COPS3: variants seen among roughly 807,000 people sequenced by gnomAD.
COPS3 encodes COP9 signalosome subunit 3.
COPS3 carries 10 observed loss-of-function variants against 58.2 expected under a neutral mutation model. That is an observed-to-expected ratio of 0.17 (90% confidence interval 0.11 to 0.29). The LOEUF (loss-of-function observed/expected upper bound fraction) is 0.29. Ranked by LOEUF, COPS3 falls within the 10% of genes least tolerant of loss-of-function variation. The pLI is 1.00. For synonymous variants in COPS3, 187 were observed against 181.7 expected, an observed-to-expected ratio of 1.03 and a Z score of -0.24; for missense variants, 333 against 510.1, an observed-to-expected ratio of 0.65 and a Z score of 3.34.
chr17:17,252,546 A>G (rs1200917692), intron 9 of COPS3, among the ~76,000 whole-genome samples: 2 of 152,138 alleles, frequency 1.3e-5, no homozygotes, highest in Admixed American at 6.5e-5. Flanking sequence ...TGAAAACCAA[A>G]ACTGCTTCCA....
intron 8 of COPS3, among the ~76,000 whole-genome samples, chr17:17,257,299 G>A (rs1269338955): frequency 6.6e-6 from 1 of 151,458 alleles, no homozygotes; most frequent in Admixed American, 6.6e-5. Context: ...AGGAGGCAGA[G>A]TCTGCAGTGA....
intron 11 of COPS3, 146 bp from the exon 12 acceptor site, chr17:17,247,297 C>A: frequency 1.0e-6 from 1 of 962,174 alleles, no homozygotes; most frequent in Non-Finnish European, 1.7e-6. Context: ...CCACCCTAAG[C>A]ATCCCTAAGT....
chr17:17,270,682 C>A, intron 4 of COPS3, 76 bp downstream of exon 4: 1 of 1,314,022 alleles, frequency 7.6e-7, no homozygotes, highest in Non-Finnish European at 1.1e-6. Context: ...TAACTGGAAT[C>A]TTGATAAAGT....
In COPS3 at chr17:17,246,948, C is replaced by T. The variant is rs2047737513; in HGVS notation, c.*150G>A. The T allele has an allele frequency of 4.5e-6, 3 of 670,348 alleles. No individual in the cohort carries two copies. Among genetic ancestry groups the T allele is most frequent in the Non-Finnish European group, 8.0e-6 (3 of 373,328 alleles). 41.5% of individuals were successfully genotyped at this position (670,348 alleles called of 1,614,324 possible). On this transcript the variant is annotated 3_prime_UTR_variant, in exon 12 of 12. Transcript: ENST00000268717. Reference sequence around the variant, plus strand: ...CTTTCTTTGCAGAGAAAATGGTTTTCTGAAAGCACACAGGACTGAAGATGT... The same window carrying T: ...CTTTCTTTGCAGAGAAAATGGTTTTTTGAAAGCACACAGGACTGAAGATGT...
intron 5 of COPS3, among the ~76,000 whole-genome samples, chr17:17,266,202 CATATT>C (rs1255787903): frequency 2.0e-5 from 3 of 152,118 alleles, no homozygotes; most frequent in Admixed American, 6.6e-5. Flanking sequence ...ATCGCATACT[CATATT>C]ATAGAATACT....
intron 8 of COPS3, 54 bp from the exon 9 acceptor site, chr17:17,254,999 T>C (rs1272049609): frequency 7.7e-7 from 1 of 1,300,224 alleles, no homozygotes; most frequent in Non-Finnish European, 1.1e-6. Flanking sequence ...GGAAGGACAT[T>C]TTATTAAATG....
chr17:17,268,243 A>C (rs545571654), intron 4 of COPS3, among the ~76,000 whole-genome samples: 1 of 152,314 alleles, frequency 6.6e-6, no homozygotes, highest in South Asian at 2.1e-4. Flanking sequence ...CAATAATCAA[A>C]AACAGTATTA....
intron 1 of COPS3, chr17:17,280,826 G>T: frequency 8.1e-7 from 1 of 1,239,532 alleles, no homozygotes; most frequent in Non-Finnish European, 1.1e-6. Flanking sequence ...GATGGCTCCT[G>T]GCGGAAGTCA....
Position 17,280,405 on chromosome 17 carries a change from A to T in COPS3, c.55+727T>A, listed in dbSNP as rs1597711816. Among the ~76,000 whole-genome samples the T allele has an allele frequency of 2.7e-5, 4 of 150,892 alleles. No homozygotes were observed. In the South Asian group the frequency reaches 8.4e-4, roughly 32 times the overall value. Reference sequence around the variant, plus strand: ...GAGACAGTGAGACTCCGTCTCAAAAAAAAAAAAAGCCGTGTGAGCTGGCGG... The same window carrying T: ...GAGACAGTGAGACTCCGTCTCAAAATAAAAAAAAGCCGTGTGAGCTGGCGG... On this transcript the variant is annotated intron_variant, in intron 1 of 11. Transcript: ENST00000268717.
At chr17:17,275,944 A>C in intron 2 of COPS3, 91 bp downstream of exon 2, 1 of 1,288,858 alleles carries the variant, frequency 7.8e-7, no homozygotes, top group Non-Finnish European at 1.0e-6. Flanking sequence ...TCCATCTCAA[A>C]AAATATAAAT....
intron 8 of COPS3, among the ~76,000 whole-genome samples, chr17:17,258,696 A>C (rs973207087): frequency 6.6e-6 from 1 of 152,158 alleles, no homozygotes; most frequent in African/African-American, 2.4e-5. Flanking sequence ...GGCCAAAAAG[A>C]AAATTTTATG....
At chr17:17,278,167 T>A (rs2048501112) in intron 1 of COPS3, among the ~76,000 whole-genome samples, 2 of 151,920 alleles carry the variant, frequency 1.3e-5, no homozygotes, top group African/African-American at 4.8e-5. Context: ...AAAAAAAAAT[T>A]AGGCCTGAAT....
intron 9 of COPS3, among the ~76,000 whole-genome samples, chr17:17,252,833 A>G (rs1324008672): frequency 6.6e-6 from 1 of 152,192 alleles, no homozygotes; most frequent in Non-Finnish European, 1.5e-5. Context: ...AGCAGACACA[A>G]GTCATAGAGG....
intron 9 of COPS3, 33 bp from the exon 10 acceptor site, chr17:17,249,072 CA>C (rs1464047853): frequency 1.4e-5 from 17 of 1,217,044 alleles, no homozygotes; most frequent in Non-Finnish European, 2.0e-5. Context: ...ATCAGGAAAG[CA>C]GTTTAGACCT....
At chr17:17,281,089 C>G in intron 1 of COPS3, 43 bp downstream of exon 1, 1 of 1,590,618 alleles carries the variant, frequency 6.3e-7, no homozygotes, top group Non-Finnish European at 8.6e-7. Flanking sequence ...CAGGCCAGTT[C>G]CCGGTACCCG....
At chr17:17,272,398 G>A (rs751271945) in intron 2 of COPS3, among the ~76,000 whole-genome samples, 13 of 152,050 alleles carry the variant, frequency 8.5e-5, no homozygotes, top group Middle Eastern at 3.4e-3. Context: ...ACTCCAGCCC[G>A]GGTGACGGAG....
intron 1 of COPS3, 52 bp from the exon 2 acceptor site, chr17:17,276,216 T>C (rs1422181261): frequency 1.2e-6 from 2 of 1,604,048 alleles, no homozygotes; most frequent in Admixed American, 1.7e-5. Flanking sequence ...CTAACCAAAC[T>C]GATGGAACTC....
intron 10 of COPS3, 30 bp downstream of exon 10, chr17:17,248,896 A>G: frequency 7.3e-7 from 1 of 1,379,300 alleles, no homozygotes; most frequent in Non-Finnish European, 1.0e-6. Flanking sequence ...CCATCAATTA[A>G]AAAAATAAAA....
At chr17:17,261,810 G>A (rs1031928897) in intron 7 of COPS3, 156 bp downstream of exon 7, 9 of 610,616 alleles carry the variant, frequency 1.5e-5, no homozygotes, top group Admixed American at 3.2e-5. Context: ...ATCAGGTAAT[G>A]AGAATGTGTA....
Sources: allele counts gnomAD v4.1 joint callset (sites outside exome capture counted in the v4.1 genomes callset), GRCh38; gene constraint gnomAD v4.1.1; transcripts MANE v1.5; gene names NCBI Gene and HGNC (gene_info 2026-07-23, HGNC 2026-07-21).